RBFOX1: variants seen among roughly 807,000 people sequenced by gnomAD.
RBFOX1 encodes the protein RNA binding fox-1 homolog 1, also known as RNA binding protein fox-1 homolog 1.
RBFOX1 carries 8 observed loss-of-function variants against 57.7 expected under a neutral mutation model. That is an observed-to-expected ratio of 0.14 (90% CI 0.08 to 0.25). RBFOX1 has a LOEUF of 0.25. RBFOX1 is among the 10% of genes least tolerant of loss of function. The probability of loss-of-function intolerance (pLI) is 1.00; values close to 1 mark genes in which losing one functional copy is unlikely to be tolerated. For synonymous variants in RBFOX1, 326 were observed against 222.4 expected (o/e 1.47, Z -4.15); for missense variants, 611 against 548.5 (o/e 1.11, Z -1.14).
intron 1 of RBFOX1, among the ~76,000 whole-genome samples, chr16:5,399,841 A>G (rs1023784706): frequency 2.0e-5 from 3 of 151,998 alleles, no homozygotes; most frequent in Non-Finnish European, 4.4e-5. Context: ...ACTGTTAAAG[A>G]TGATTGGTTT....
chr16:6,168,706 GTCTTT>G (rs2096935968), intron 1 of RBFOX1, among the ~76,000 whole-genome samples: 1 of 152,112 alleles, frequency 6.6e-6, no homozygotes, highest in African/African-American at 2.4e-5. Flanking sequence ...GAGGGAAGGG[GTCTTT>G]TCTTTGCAAA....
At chr16:6,794,348 C>G (rs772594952) in intron 3 of RBFOX1, among the ~76,000 whole-genome samples, 1 of 142,954 alleles carries the variant, frequency 7.0e-6, no homozygotes, top group Non-Finnish European at 1.5e-5. Context: ...GAGGCATTCT[C>G]AAACTACAGG....
chr16:6,554,642 C>G (rs1375859889), intron 2 of RBFOX1, among the ~76,000 whole-genome samples: 1 of 152,100 alleles, frequency 6.6e-6, no homozygotes. Flanking sequence ...CTTGCTTGTA[C>G]TCTCCTGATT....
chr16:6,850,479 G>C (rs1301498899), intron 3 of RBFOX1, among the ~76,000 whole-genome samples: 2 of 152,052 alleles, frequency 1.3e-5, no homozygotes, highest in Non-Finnish European at 2.9e-5. Context: ...TCAGGAGACT[G>C]ATTGCCTAAG....
At chr16:6,669,477 T>C (rs17140894) in intron 3 of RBFOX1, among the ~76,000 whole-genome samples, 9,599 of 152,260 alleles carry the variant, frequency 0.063, 356 homozygotes, top group African/African-American at 0.067. Flanking sequence ...ATATTTTCTT[T>C]GTTTTTTTCC....
intron 4 of RBFOX1, among the ~76,000 whole-genome samples, chr16:6,002,932 A>C (rs954039945): frequency 4.6e-5 from 7 of 152,126 alleles, no homozygotes; most frequent in African/African-American, 1.7e-4. Context: ...TTCATCAACA[A>C]GGTTGTAGAT....
intron 4 of RBFOX1, among the ~76,000 whole-genome samples, chr16:7,110,288 G>A (rs1485034641): frequency 1.3e-5 from 2 of 152,050 alleles, no homozygotes; most frequent in East Asian, 3.9e-4. Context: ...CGGAACCTAG[G>A]AGTTTCAGGC....
intron 3 of RBFOX1, among the ~76,000 whole-genome samples, chr16:5,754,346 C>T (rs117240047): frequency 6.6e-6 from 1 of 152,158 alleles, no homozygotes; most frequent in Non-Finnish European, 1.5e-5. Context: ...CATGTTCGCT[C>T]CTATTGTTAG....
rs149821268 is a variant in RBFOX1 at position 5,816,465 on chromosome 16, C to T, written c.319-50838C>T. On this transcript the variant is annotated intron_variant, in intron 3 of 19. Coordinates refer to the RBFOX1 transcript ENST00000641259. Reference sequence around the variant, plus strand: ...AGCTGAACCCCAAATTCCATAGCCTCTCATGAAACTAGACCTTGCATCTCC... The same window carrying T: ...AGCTGAACCCCAAATTCCATAGCCTTTCATGAAACTAGACCTTGCATCTCC... Among the ~76,000 whole-genome samples the T allele has an allele frequency of 7.6e-4, 116 of 152,302 alleles. 1 individual carries two copies. Among genetic ancestry groups the T allele is most frequent in the African/African-American group, 2.5e-3 (106 of 41,570 alleles).
intron 1 of RBFOX1, among the ~76,000 whole-genome samples, chr16:6,231,551 G>T (rs2097460406): frequency 6.6e-6 from 1 of 152,146 alleles, no homozygotes; most frequent in African/African-American, 2.4e-5. Context: ...TGTGTCCTTG[G>T]CAAGGGCACT....
intron 1 of RBFOX1, among the ~76,000 whole-genome samples, chr16:5,445,217 G>A (rs1246105517): frequency 6.6e-6 from 1 of 152,224 alleles, no homozygotes; most frequent in African/African-American, 2.4e-5. Flanking sequence ...GGACGTGGGA[G>A]TAGGGGACTA....
intron 4 of RBFOX1, among the ~76,000 whole-genome samples, chr16:5,886,176 A>C (rs919341096): frequency 1.3e-5 from 2 of 152,188 alleles, no homozygotes; most frequent in Non-Finnish European, 2.9e-5. Context: ...TTAAGCCTCT[A>C]TTCTTCATAA....
At chr16:5,787,673 G>A (rs1410547434) in intron 3 of RBFOX1, among the ~76,000 whole-genome samples, 1 of 152,218 alleles carries the variant, frequency 6.6e-6, no homozygotes, top group Admixed American at 6.5e-5. Flanking sequence ...CGCAGAGAGG[G>A]TTTGGCAGCA....
intron 2 of RBFOX1, among the ~76,000 whole-genome samples, chr16:6,381,441 A>G (rs2091804145): frequency 6.6e-6 from 1 of 152,180 alleles, no homozygotes; most frequent in Non-Finnish European, 1.5e-5. Context: ...GTAAAATGCA[A>G]CGGGCTTGAT....
chr16:7,235,331 T>C (rs966692305), intron 4 of RBFOX1, among the ~76,000 whole-genome samples: 3 of 152,174 alleles, frequency 2.0e-5, no homozygotes, highest in Admixed American at 2.0e-4. Flanking sequence ...CATTCCCTAG[T>C]GGTATTTTTG....
chr16:7,666,132 A>C (rs2069179994), intron 13 of RBFOX1, among the ~76,000 whole-genome samples: 1 of 152,038 alleles, frequency 6.6e-6, no homozygotes, highest in South Asian at 2.1e-4. Flanking sequence ...TTCAGATTTT[A>C]AATTATGAGG....
At chr16:7,293,112 C>T (rs1313199596) in intron 4 of RBFOX1, among the ~76,000 whole-genome samples, 1 of 152,174 alleles carries the variant, frequency 6.6e-6, no homozygotes, top group East Asian at 1.9e-4. Context: ...CGTTGACCCT[C>T]CACGTCCTTG....
At chr16:6,738,978 C>A (rs371133390) in intron 3 of RBFOX1, among the ~76,000 whole-genome samples, 2 of 152,106 alleles carry the variant, frequency 1.3e-5, no homozygotes, top group African/African-American at 4.8e-5. Context: ...GTGTGTGTCG[C>A]AGCCAAAGCA....
chr16:6,964,475 A>G (rs759231278), intron 3 of RBFOX1, among the ~76,000 whole-genome samples: 2 of 152,116 alleles, frequency 1.3e-5, no homozygotes, highest in African/African-American at 4.8e-5. Flanking sequence ...GTGTCAGTGT[A>G]TATGGTTATC....
Sources: allele counts gnomAD v4.1 joint callset (sites outside exome capture counted in the v4.1 genomes callset), GRCh38; gene constraint gnomAD v4.1.1; transcripts MANE v1.5; gene names NCBI Gene and HGNC (gene_info 2026-07-23, HGNC 2026-07-21).